GSTA1: variants seen among roughly 807,000 people sequenced by gnomAD.
GSTA1 encodes the protein glutathione S-transferase alpha 1, also known as glutathione S-transferase A1.
A neutral mutation model predicts 21.5 loss-of-function variants in GSTA1; 23 were observed. The observed-to-expected ratio is 1.07, with a 90% CI of 0.77 to 1.52. GSTA1 has a LOEUF of 1.52. Ranked by LOEUF, GSTA1 falls within the 40% of genes most tolerant of loss-of-function variation. The pLI, the probability that GSTA1 is intolerant of heterozygous loss-of-function variation, is 0.00. For synonymous variants in GSTA1, 125 were observed against 90.0 expected (o/e 1.39, Z -2.20); for missense variants, 301 against 264.2 (o/e 1.14, Z -0.96).
intron 2 of GSTA1, among the ~76,000 whole-genome samples, chr6:52,798,252 G>A (rs1763635088): frequency 6.6e-6 from 1 of 150,922 alleles, no homozygotes; most frequent in Admixed American, 6.6e-5. Context: ...TATTTTTAAG[G>A]AAAACCTCTG....
rs1052116 is a variant in GSTA1, at chr6:52,791,655, T to A, written c.*203A>T. The A allele has an allele frequency of 3.5e-6, 2 of 570,186 alleles. No homozygotes were observed. Among genetic ancestry groups the A allele is most frequent in the Non-Finnish European group, 5.7e-6 (2 of 350,522 alleles). The allele number at this position is 570,186 out of a possible 1,614,324, so 35.3% of individuals were successfully genotyped here. Reference sequence around the variant, plus strand: ...TGGTTGGCTAGGAGAAGATTGGAAATCTGAATTCACATCAGATCCTAATGA... The same window carrying A: ...TGGTTGGCTAGGAGAAGATTGGAAAACTGAATTCACATCAGATCCTAATGA... On this transcript the variant is annotated 3_prime_UTR_variant, in exon 7 of 7. Transcript: ENST00000334575.
intron 1 of GSTA1, among the ~76,000 whole-genome samples, chr6:52,800,212 A>T (rs1360713807): frequency 6.6e-6 from 1 of 152,224 alleles, no homozygotes; most frequent in Non-Finnish European, 1.5e-5. Context: ...ATCACCTAAG[A>T]TGAATGCAGT....
chr6:52,792,781 C>A, intron 6 of GSTA1, 75 bp downstream of exon 6: 2 of 1,611,716 alleles, frequency 1.2e-6, no homozygotes, highest in South Asian at 2.2e-5. Context: ...AAAACTTGGT[C>A]AGTCGCAGGG....
chr6:52,793,211 T>C (rs1763500649), intron 5 of GSTA1, among the ~76,000 whole-genome samples: 1 of 152,088 alleles, frequency 6.6e-6, no homozygotes, highest in Non-Finnish European at 1.5e-5. Context: ...CTCTTCTCAT[T>C]CTACATCACT....
intron 3 of GSTA1, 32 bp downstream of exon 3, chr6:52,797,554 C>T (rs1453352144): frequency 1.9e-6 from 3 of 1,563,036 alleles, no homozygotes; most frequent in Non-Finnish European, 2.6e-6. Flanking sequence ...TACTAGATAC[C>T]CTCATCAGAG....
Position 52,796,174 on chromosome 6 carries a change from T to C in GSTA1, c.272+8A>G, listed in dbSNP as rs770967595. On this transcript the variant is annotated splice_region_variant and intron_variant, in intron 4 of 6. Coordinates refer to ENST00000334575, the MANE Select transcript of GSTA1 (RefSeq NM_145740.5). ...TCTGTGGATGGAAGAACAGAAAATA[T>C]ACCGTACAGGGCTCTCTCCTTTATG... 8.7e-6 allele frequency: 14 copies of C among 1,612,838 alleles called. No homozygotes were observed. The South Asian group carries it at 1.1e-4, about 13-fold the overall frequency.
rs961431717 is a variant in GSTA1 at position 52,794,057 on chromosome 6, T to G, written c.414+68A>C. The G allele has an allele frequency of 6.9e-6, 11 of 1,595,934 alleles. No individual in the cohort carries two copies. The African/African-American group carries it at 1.2e-4, about 18-fold the overall frequency. ...AAAGTGAAGATCAGTGACCCAGGAA[T>G]GCCCAGCCACTATTTTTCTATTGGC... On this transcript the variant is annotated intron_variant, in intron 5 of 6. Transcript: ENST00000334575.
At chr6:52,794,081 G>A (rs765878458) in intron 5 of GSTA1, 44 bp downstream of exon 5, 18 of 1,610,530 alleles carry the variant, frequency 1.1e-5, no homozygotes, top group Admixed American at 6.7e-5. Flanking sequence ...TTTTCTATTG[G>A]CCTCTAAACT....
At chr6:52,796,060 G>A (rs1013151473) in intron 4 of GSTA1, 122 bp downstream of exon 4, 11 of 1,437,770 alleles carry the variant, frequency 7.7e-6, no homozygotes, top group South Asian at 3.7e-5. Flanking sequence ...GGACCTCAGC[G>A]TACATGCCCA....
rs371575251 is a variant in GSTA1 at position 52,797,590 on chromosome 6, T to C, written c.135A>G (p.Arg45=). The C allele has an allele frequency of 6.2e-7, 1 of 1,607,266 alleles. No homozygotes were observed. The highest frequency in any genetic ancestry group is 8.5e-7 in the Non-Finnish European group (1 of 1,174,082). Residue 45 remains arginine (R), a synonymous_variant, in exon 3 of 7, where the codon AGA becomes AGG. Coordinates refer to ENST00000334575, the MANE Select transcript of GSTA1 (RefSeq NM_145740.5). ...GAACTTAGAGATTGATCTTACCATT[T>C]CTTAACTTGTCCAAATCTTCTGCAG... ...IKSAEDLDKL[R]NDGYLMFQQV...
intron 4 of GSTA1, among the ~76,000 whole-genome samples, 195 bp from the exon 5 acceptor site, chr6:52,794,461 A>C (rs1272719871): frequency 2.0e-5 from 3 of 152,212 alleles, no homozygotes. Context: ...CAAGGTAGAT[A>C]GATCTCTAAA....
chr6:52,799,578 A>G (rs945683097), intron 1 of GSTA1, among the ~76,000 whole-genome samples: 2 of 152,156 alleles, frequency 1.3e-5, no homozygotes, highest in African/African-American at 4.8e-5. Context: ...TATAGGAGTT[A>G]TTGGAAGAGG....
intron 3 of GSTA1, among the ~76,000 whole-genome samples, chr6:52,796,823 A>G (rs1373504832): frequency 2.0e-5 from 3 of 151,912 alleles, no homozygotes; most frequent in Non-Finnish European, 4.4e-5. Flanking sequence ...TACAGGCATG[A>G]GCCACTGCAC....
intron 1 of GSTA1, among the ~76,000 whole-genome samples, chr6:52,799,607 A>G (rs1006048255): frequency 6.6e-6 from 1 of 152,198 alleles, no homozygotes; most frequent in Non-Finnish European, 1.5e-5. Flanking sequence ...AAGAACTAAT[A>G]TTTATTGAAA....
At chr6:52,793,544 C>T (rs1581792907) in intron 5 of GSTA1, among the ~76,000 whole-genome samples, 1 of 152,160 alleles carries the variant, frequency 6.6e-6, no homozygotes, top group South Asian at 2.1e-4. Flanking sequence ...TTGACTCTCA[C>T]TCCCAACTGG....
rs1051573 is a variant in GSTA1, at chr6:52,799,233, G to A, written c.35C>T (p.Ala12Val). The A allele has an allele frequency of 8.7e-6, 14 of 1,613,848 alleles. No homozygotes were observed. In the South Asian group the frequency reaches 1.3e-4, roughly 15 times the overall value. The change falls in exon 2 of 7, where the codon GCA becomes GTA. Residue 12 changes from alanine to valine, a missense_variant. Coordinates refer to ENST00000334575, the MANE Select transcript of GSTA1 (RefSeq NM_145740.5). ...CCGGGTGGACTCCATTCTGCCCCGT[G>A]CATTGAAGTAGTGGAGCTTGGGCTT... Reference protein sequence around the residue: ...AEKPKLHYFNARGRMESTRWL... With the variant: ...AEKPKLHYFNVRGRMESTRWL...
At chr6:52,797,182 C>T (rs567673016) in intron 3 of GSTA1, among the ~76,000 whole-genome samples, 8 of 152,102 alleles carry the variant, frequency 5.3e-5, no homozygotes, top group African/African-American at 1.7e-4. Flanking sequence ...CAGTCCCACT[C>T]CCCCCATGAA....
chr6:52,795,713 G>T (rs1763560242), intron 4 of GSTA1, among the ~76,000 whole-genome samples: 1 of 152,100 alleles, frequency 6.6e-6, no homozygotes, highest in Non-Finnish European at 1.5e-5. Flanking sequence ...AAGTATTCCA[G>T]TTGATATACT....
rs1235087809 is a variant in GSTA1 at position 52,791,767 on chromosome 6, C to CA, written c.*90dup. 1 of 1,458,788 alleles carries CA rather than the reference C, an allele frequency of 6.9e-7. No individual in the cohort carries two copies. Among genetic ancestry groups the CA allele is most frequent in the Non-Finnish European group, 9.5e-7 (1 of 1,052,942 alleles). 90.4% of individuals were successfully genotyped at this position (1,458,788 alleles called of 1,614,324 possible). A position where few individuals can be genotyped will look rare whatever the true frequency, so the allele number is the denominator to read the frequency against. On this transcript the variant is annotated 3_prime_UTR_variant, in exon 7 of 7. Coordinates refer to ENST00000334575, the MANE Select transcript of GSTA1 (RefSeq NM_145740.5). ...TTGAAAGAGTTCATTAGCTTCACAACAGGCACAATCAACACTTAGGTAAAG... is the reference window on the plus strand; with the variant it reads ...TTGAAAGAGTTCATTAGCTTCACAACAAGGCACAATCAACACTTAGGTAAAG...
Sources: gnomAD v4.1 joint callset for allele counts (sites outside exome capture counted in the v4.1 genomes callset) on GRCh38, gnomAD v4.1.1 for gene constraint, MANE v1.5 for transcripts, NCBI Gene and HGNC (gene_info 2026-07-23, HGNC 2026-07-21) for gene names.